LRRC28: variants seen among roughly 807,000 people sequenced by gnomAD.
LRRC28 encodes the protein leucine rich repeat containing 28, also known as leucine-rich repeat-containing protein 28.
LRRC28 carries 39 observed loss-of-function variants against 45.7 expected under a neutral mutation model. The observed-to-expected ratio is 0.85, with a 90% CI of 0.66 to 1.12. The LOEUF (loss-of-function observed/expected upper bound fraction) is 1.12, where lower values mean the gene tolerates loss of function less well. Among genes scored for constraint, LRRC28 ranks in the 50% most tolerant of loss-of-function variants. LRRC28 has a pLI of 0.00. For missense variants in LRRC28, 435 were observed against 438.5 expected (o/e 0.99, Z 0.07); for synonymous variants, 206 against 178.8 (o/e 1.15, Z -1.22).
At chr15:99,324,280 C>A (rs114511298) in intron 5 of LRRC28, among the ~76,000 whole-genome samples, 1 of 152,128 alleles carries the variant, frequency 6.6e-6, no homozygotes, top group Non-Finnish European at 1.5e-5. Context: ...TTAAAACTTA[C>A]GGACGGTTAA....
In LRRC28 at chr15:99,389,839, C is replaced by G. The variant is rs372638675; in HGVS notation, c.*3737C>G. The G allele has an allele frequency of 6.6e-6, 1 of 152,084 alleles. No homozygotes were observed. The highest frequency in any genetic ancestry group is 1.5e-5 in the Non-Finnish European group (1 of 68,012). 9.4% of individuals were successfully genotyped at this position (152,084 alleles called of 1,614,324 possible). ...CTCTATGTCTATCTAAAAATCAAGT[C>G]TCGGCAGTGGCTCATGCCTATAATC... On this transcript the variant is annotated 3_prime_UTR_variant, in exon 10 of 10. Coordinates refer to ENST00000301981, the MANE Select transcript of LRRC28 (RefSeq NM_144598.5).
chr15:99,349,797 A>G (rs1410331833), intron 6 of LRRC28, among the ~76,000 whole-genome samples: 1 of 152,260 alleles, frequency 6.6e-6, no homozygotes. Flanking sequence ...TACAAAATGT[A>G]TATAAATGCC....
At chr15:99,368,782 G>A (rs1957405789) in intron 9 of LRRC28, among the ~76,000 whole-genome samples, 1 of 152,150 alleles carries the variant, frequency 6.6e-6, no homozygotes, top group Admixed American at 6.5e-5. Flanking sequence ...CACACTGTTG[G>A]TGTTCTCTTT....
chr15:99,334,929 A>C (rs554278411), intron 6 of LRRC28, among the ~76,000 whole-genome samples: 1 of 152,342 alleles, frequency 6.6e-6, no homozygotes, highest in African/African-American at 2.4e-5. Context: ...ATTTTCCAAG[A>C]TAATACAATG....
chr15:99,267,321 C>G (rs1314749627), intron 2 of LRRC28, among the ~76,000 whole-genome samples: 1 of 152,174 alleles, frequency 6.6e-6, no homozygotes, highest in African/African-American at 2.4e-5. Flanking sequence ...AGGATCAGAA[C>G]ACCCTGAGGG....
chr15:99,269,560 C>T (rs928110464), intron 2 of LRRC28, among the ~76,000 whole-genome samples: 1 of 152,114 alleles, frequency 6.6e-6, no homozygotes, highest in Admixed American at 6.6e-5. Flanking sequence ...CCCGCCATCA[C>T]GCCCAGCTAA....
chr15:99,305,353 C>T (rs1289557463), intron 5 of LRRC28, among the ~76,000 whole-genome samples: 2 of 152,062 alleles, frequency 1.3e-5, no homozygotes, highest in Non-Finnish European at 2.9e-5. Flanking sequence ...TTTAATTTTT[C>T]TGTAATTTCT....
At chr15:99,295,332 T>C (rs1316425133) in intron 5 of LRRC28, among the ~76,000 whole-genome samples, 2 of 152,254 alleles carry the variant, frequency 1.3e-5, no homozygotes, top group African/African-American at 4.8e-5. Flanking sequence ...AGAACATATT[T>C]AAACTAATTT....
intron 6 of LRRC28, chr15:99,338,617 G>T (rs1424676202): frequency 6.6e-6 from 1 of 152,164 alleles, no homozygotes; most frequent in Non-Finnish European, 1.5e-5. Context: ...TGGGAGGTGG[G>T]AATCTTACTT....
chr15:99,317,061 TAGTC>T (rs1255260051), intron 5 of LRRC28, among the ~76,000 whole-genome samples: 7 of 150,946 alleles, frequency 4.6e-5, no homozygotes, highest in African/African-American at 7.3e-5. Flanking sequence ...AAAGTGATAA[TAGTC>T]AGAGCCTCAT....
intron 3 of LRRC28, among the ~76,000 whole-genome samples, chr15:99,281,876 A>T (rs2081802792): frequency 6.7e-6 from 1 of 150,122 alleles, no homozygotes; most frequent in African/African-American, 2.4e-5. Context: ...TCAGAACTTG[A>T]ATGTCTCTCA....
At chr15:99,285,091 G>T in intron 3 of LRRC28, 1 of 695,996 alleles carries the variant, frequency 1.4e-6, no homozygotes, top group Non-Finnish European at 2.7e-6. Flanking sequence ...GTATTTCTGA[G>T]TGACAGTCTT....
intron 2 of LRRC28, among the ~76,000 whole-genome samples, chr15:99,263,280 C>T (rs149954476): frequency 2.3e-3 from 334 of 146,980 alleles, no homozygotes; most frequent in African/African-American, 7.7e-3. Flanking sequence ...CATCACGCCA[C>T]TCCACGCCAG....
intron 2 of LRRC28, among the ~76,000 whole-genome samples, chr15:99,275,117 AT>A (rs2081582643): frequency 6.6e-6 from 1 of 152,100 alleles, no homozygotes. Flanking sequence ...AGAGAGAGAT[AT>A]TATATGTATA....
intron 9 of LRRC28, among the ~76,000 whole-genome samples, chr15:99,374,771 C>T (rs1957578099): frequency 6.6e-6 from 1 of 151,848 alleles, no homozygotes; most frequent in South Asian, 2.1e-4. Flanking sequence ...GGGTTCACAC[C>T]ATTCTCCTGC....
intron 5 of LRRC28, among the ~76,000 whole-genome samples, chr15:99,298,247 A>G (rs1597278471): frequency 6.6e-6 from 1 of 152,326 alleles, no homozygotes; most frequent in East Asian, 1.9e-4. Context: ...AATTTATGAC[A>G]GCATGGTGTA....
At chr15:99,264,673 G>T (rs1453012860) in intron 2 of LRRC28, among the ~76,000 whole-genome samples, 2 of 152,328 alleles carry the variant, frequency 1.3e-5, no homozygotes, top group African/African-American at 2.4e-5. Context: ...TGTGATATGG[G>T]ATGGGCATAG....
intron 5 of LRRC28, among the ~76,000 whole-genome samples, chr15:99,320,402 A>G (rs1955754824): frequency 6.6e-6 from 1 of 152,156 alleles, no homozygotes; most frequent in Admixed American, 6.5e-5. Flanking sequence ...GGCAGACCCT[A>G]AGTAGTGTAT....
intron 5 of LRRC28, among the ~76,000 whole-genome samples, chr15:99,300,117 GT>G (rs71149460): frequency 6.7e-6 from 1 of 149,678 alleles, no homozygotes; most frequent in African/African-American, 2.5e-5. Flanking sequence ...GTGACTTAGT[GT>G]TTTTTTTTCT....
Sources: allele counts gnomAD v4.1 joint callset (sites outside exome capture counted in the v4.1 genomes callset), GRCh38; gene constraint gnomAD v4.1.1; transcripts MANE v1.5; gene names NCBI Gene and HGNC (gene_info 2026-07-23, HGNC 2026-07-21).